The following TCTN3 variants were observed in gnomAD, a reference collection of about 807,000 sequenced individuals.
TCTN3 encodes tectonic-3.
TCTN3 carries 57 observed loss-of-function variants against 71.3 expected under a neutral mutation model. The ratio of observed to expected loss-of-function variants is 0.80; its 90% CI spans 0.65 to 1.00. The LOEUF is 1.00. Ranked by LOEUF, TCTN3 falls within the 50% of genes least tolerant of loss-of-function variation. The pLI is 0.00. For synonymous variants in TCTN3, 258 were observed against 267.8 expected (o/e 0.96, Z 0.36); for missense variants, 696 against 719.9 (o/e 0.97, Z 0.38).
At position 95,693,728 on chromosome 10, in the gene TCTN3, G is replaced by C; in HGVS notation, c.172C>G (p.Pro58Ala). 1 of 1,551,696 alleles carries C rather than the reference G, an allele frequency of 6.4e-7. No homozygotes were observed. The highest frequency in any genetic ancestry group is 8.7e-7 in the Non-Finnish European group (1 of 1,146,994). The stretch of plus-strand genomic sequence containing the variant: ...ACTGTAGGGAGTCCAGGCACGGCCG[G>C]GCGAGTTGCAGTCGCCTCTGAAGGG... ...QSPSEATATR[P>A]AVPGLPTVVP... is the part of the protein sequence containing the mutation. The change falls in exon 1 of 14, where the codon CCG (proline) becomes GCG (alanine). Residue 58 changes from proline (P) to alanine (A), a missense_variant. Pro to Ala is a conservative substitution (Grantham distance 27). Transcript: ENST00000371217.
chr10:95,684,626 T>A lies in TCTN3; in HGVS notation c.970-2A>T, dbSNP rs777263669. The stretch of plus-strand genomic sequence containing the variant: ...ATTGGTCTCTATCTCATAGGTGACC[T>A]GAAATGCAAAAAGAATCAATTAATA... On this transcript the variant is annotated splice_acceptor_variant, in intron 8 of 13. Coordinates refer to ENST00000371217, the MANE Select transcript of TCTN3 (RefSeq NM_015631.6). LOFTEE classifies it high-confidence loss of function. 6.2e-7 allele frequency: 1 copy of A among 1,612,128 alleles called. No homozygotes were observed. Among genetic ancestry groups the A allele is most frequent in the Non-Finnish European group, 8.5e-7 (1 of 1,179,312 alleles).
Position 95,693,459 on chromosome 10 carries a change from A to G in TCTN3, c.274T>C (p.Cys92Arg). The stretch of plus-strand genomic sequence containing the variant: ...TCGCAGGCTCCAGGAGTCAAGTCAC[A>G]GACACAGATCGGTAAGACTATGAAA... ...DLFPVLPICV[C>R]DLTPGACDIN... is the part of the protein sequence containing the mutation. Residue 92 changes from cysteine (C) to arginine (R), a missense_variant, in exon 2 of 14, where the codon TGT (cysteine) becomes CGT (arginine). By Grantham distance (180) the Cys-to-Arg change is radical. Coordinates refer to ENST00000371217, the MANE Select transcript of TCTN3 (RefSeq NM_015631.6). 6.4e-7 allele frequency: 1 copy of G among 1,552,234 alleles called. No individual in the cohort carries two copies.
At chr10:95,685,692 T>A in intron 7 of TCTN3, 56 bp from the exon 8 acceptor site, 5 of 1,352,604 alleles carry the variant, frequency 3.7e-6, no homozygotes, top group Non-Finnish European at 5.2e-6. Context: ...TTGTCTTGTA[T>A]CTATTAATAG....
chr10:95,665,446 T>G (rs2097924805), intron 13 of TCTN3, among the ~76,000 whole-genome samples: 1 of 151,950 alleles, frequency 6.6e-6, no homozygotes, highest in African/African-American at 2.4e-5. Context: ...GCCTAGCTAA[T>G]TTTTTTGTAT....
At position 95,663,900 on chromosome 10, in the gene TCTN3, T is replaced by G; in HGVS notation, c.*167A>C. On this transcript the variant is annotated 3_prime_UTR_variant, in exon 14 of 14. Coordinates refer to ENST00000371217, the MANE Select transcript of TCTN3 (RefSeq NM_015631.6). ...GCTATGATGAATAAAATATTTTTAT[T>G]GCTTTTCTAAAATAACTCCTTTCAT... 1.6e-6 allele frequency: 1 copy of G among 621,244 alleles called. No homozygotes were observed. The highest frequency in any genetic ancestry group is 2.8e-6 in the Non-Finnish European group (1 of 353,808). 38.5% of individuals were successfully genotyped at this position (621,244 alleles called of 1,614,324 possible).
At chr10:95,677,485 T>TTTTTG (rs1566068586) in intron 13 of TCTN3, among the ~76,000 whole-genome samples, 1 of 116,728 alleles carries the variant, frequency 8.6e-6, no homozygotes, top group East Asian at 3.0e-4. Context: ...TTTTTTTTGT[T>TTTTTG]TTTTTTTTTT....
intron 12 of TCTN3, 132 bp from the exon 13 acceptor site, chr10:95,680,741 C>A (rs199756369): frequency 6.9e-6 from 6 of 866,566 alleles, no homozygotes; most frequent in South Asian, 3.7e-5. Flanking sequence ...TGGAAGAACA[C>A]AAAAGTTCAC....
At position 95,682,196 on chromosome 10, in the gene TCTN3, G is replaced by GA. The variant is rs1245971702; in HGVS notation, c.1452+454dup. Among the ~76,000 whole-genome samples the GA allele has an allele frequency of 8.7e-3, 787 of 90,144 alleles. 6 individuals carry two copies. Among genetic ancestry groups the GA allele is most frequent in the African/African-American group, 0.022 (517 of 23,832 alleles). The allele number at this position is 90,144 out of a possible 152,430, so 59.1% of individuals were successfully genotyped here. On this transcript the variant is annotated intron_variant, in intron 12 of 13. Transcript: ENST00000371217. ...GGTAAGAGTTCAAGATCTTGACTTA[G>GA]AAAAAAAAAAAAAGGCCAGGCGCGG... is the stretch of plus-strand genomic sequence containing the variant.
At chr10:95,684,748 T>C (rs775765155) in intron 8 of TCTN3, 124 bp from the exon 9 acceptor site, 34 of 1,031,098 alleles carry the variant, frequency 3.3e-5, no homozygotes, top group Non-Finnish European at 4.5e-5. Flanking sequence ...ACAGTAATGT[T>C]AAAAATGCCA....
At chr10:95,684,908 G>A (rs955947220) in intron 8 of TCTN3, among the ~76,000 whole-genome samples, 1 of 152,170 alleles carries the variant, frequency 6.6e-6, no homozygotes, top group African/African-American at 2.4e-5. Context: ...ACGGACAGAG[G>A]AGGGCAAGTA....
At chr10:95,693,169 C>CTTA (rs2097955255) in intron 2 of TCTN3, 131 bp from the exon 3 acceptor site, 2 of 1,207,510 alleles carry the variant, frequency 1.7e-6, no homozygotes, top group Non-Finnish European at 2.3e-6. Context: ...ACACGAAGGT[C>CTTA]TTATTCTACT....
intron 3 of TCTN3, among the ~76,000 whole-genome samples, chr10:95,690,841 G>C (rs2097952836): frequency 6.6e-6 from 1 of 152,172 alleles, no homozygotes; most frequent in Non-Finnish European, 1.5e-5. Context: ...GATGCTATGT[G>C]TGTATATGTG....
intron 10 of TCTN3, 37 bp from the exon 11 acceptor site, chr10:95,683,232 A>G: frequency 6.3e-7 from 1 of 1,581,164 alleles, no homozygotes; most frequent in Non-Finnish European, 8.6e-7. Context: ...ACATCATAAC[A>G]GAAAAAAAAA....
chr10:95,679,207 A>G (rs567561732), intron 13 of TCTN3, among the ~76,000 whole-genome samples: 99 of 152,240 alleles, frequency 6.5e-4, no homozygotes, highest in African/African-American at 2.1e-3. Context: ...TACCCAGACA[A>G]AAAAAAGGCA....
intron 13 of TCTN3, among the ~76,000 whole-genome samples, chr10:95,669,602 C>T (rs2097928852): frequency 6.6e-6 from 1 of 152,172 alleles, no homozygotes. Flanking sequence ...TGATGTCTAT[C>T]TGCTTCACCT....
Position 95,664,203 on chromosome 10 carries a change from T to G in TCTN3, c.1688A>C (p.Asp563Ala), listed in dbSNP as rs369937483. The change falls in exon 14 of 14, where the codon GAC becomes GCC. Residue 563 changes from aspartate (D) to alanine (A), a missense_variant. Asp to Ala is a moderately radical substitution (Grantham distance 126). Transcript: ENST00000371217. ...AAAGAAGTCGAATGGCCATTTCCAG[T>G]CCATTTTGGGTTGGCCCCTTGGAGG... ...PQPPRGQPKM[D>A]WKWPFDFFPF... 28 of 1,614,154 alleles carry G rather than the reference T, an allele frequency of 1.7e-5. No homozygotes were observed. In the African/African-American group the frequency reaches 3.3e-4, roughly 19 times the overall value.
chr10:95,690,809 A>C (rs2097952805), intron 3 of TCTN3, among the ~76,000 whole-genome samples: 1 of 152,234 alleles, frequency 6.6e-6, no homozygotes, highest in Admixed American at 6.5e-5. Flanking sequence ...ATGATTCTCC[A>C]CAACTGTGTA....
intron 13 of TCTN3, among the ~76,000 whole-genome samples, chr10:95,672,176 G>GTGTGTGTGTGTGTGTGTGT (rs1555268634): frequency 6.6e-6 from 1 of 151,742 alleles, no homozygotes; most frequent in Non-Finnish European, 1.5e-5. Context: ...GTGTGTGTCT[G>GTGTGTGTGTGTGTGTGTGT]GCTTCTTTCA....
intron 3 of TCTN3, among the ~76,000 whole-genome samples, chr10:95,690,456 G>A (rs1440562598): frequency 6.6e-6 from 1 of 152,172 alleles, no homozygotes; most frequent in East Asian, 1.9e-4. Context: ...TTCTGAGGAT[G>A]GGCTTACTTC....
Sources: allele counts gnomAD v4.1 joint callset (sites outside exome capture counted in the v4.1 genomes callset), GRCh38; gene constraint gnomAD v4.1.1; transcripts MANE v1.5; gene names NCBI Gene and HGNC (gene_info 2026-07-23, HGNC 2026-07-21).